The following SNX29 variants were observed in gnomAD, a reference collection of about 807,000 sequenced individuals.
SNX29 encodes the protein sorting nexin 29.
A neutral mutation model predicts 102.1 loss-of-function variants in SNX29; 78 were observed. That is an observed-to-expected ratio of 0.76 (90% confidence interval 0.64 to 0.92). The LOEUF (loss-of-function observed/expected upper bound fraction) is 0.92. Ranked by LOEUF, SNX29 falls within the 40% of genes least tolerant of loss-of-function variation. The pLI, the probability that SNX29 is intolerant of heterozygous loss-of-function variation, is 0.00. For synonymous variants in SNX29, 580 were observed against 414.5 expected (o/e 1.40, Z -4.85); for missense variants, 1,280 against 1,061.7 (o/e 1.21, Z -2.86).
chr16:12,271,418 A>T (rs2079088957), intron 14 of SNX29, among the ~76,000 whole-genome samples: 1 of 152,214 alleles, frequency 6.6e-6, no homozygotes, highest in Non-Finnish European at 1.5e-5. Context: ...CTCACACAGA[A>T]GCTGCAGTCT....
At chr16:12,257,533 G>C (rs1169356713) in intron 14 of SNX29, among the ~76,000 whole-genome samples, 1 of 152,028 alleles carries the variant, frequency 6.6e-6, no homozygotes, top group African/African-American at 2.4e-5. Context: ...AAGAGAGACA[G>C]GGTCTTGCTC....
intron 14 of SNX29, among the ~76,000 whole-genome samples, chr16:12,226,174 G>A (rs1307947263): frequency 6.6e-6 from 1 of 152,178 alleles, no homozygotes; most frequent in Non-Finnish European, 1.5e-5. Flanking sequence ...TGCTCTATGT[G>A]TTTAATGTTA....
intron 15 of SNX29, among the ~76,000 whole-genome samples, chr16:12,317,346 CTG>C (rs1229114850): frequency 2.0e-5 from 3 of 152,222 alleles, no homozygotes; most frequent in African/African-American, 7.2e-5. Context: ...CCCCTGGCTT[CTG>C]TGTGTCCTTC....
In SNX29 at chr16:12,468,703, C is replaced by T. The variant is rs533876382; in HGVS notation, c.2038-9016C>T. On this transcript the variant is annotated intron_variant, in intron 18 of 20. Transcript: ENST00000566228. ...TCCATGATAGCCCCAGGGCCCAGCC[C>T]GGAGCTTGGTATACAACAGGCCACC... 3.9e-5 allele frequency among the ~76,000 whole-genome samples: 6 copies of T among 152,296 alleles called. No homozygotes were observed. The East Asian group carries it at 5.8e-4, about 15-fold the overall frequency.
chr16:12,560,527 A>T (rs1387705642), intron 20 of SNX29, among the ~76,000 whole-genome samples: 1 of 152,028 alleles, frequency 6.6e-6, no homozygotes, highest in Non-Finnish European at 1.5e-5. Flanking sequence ...ACCTTCCAAG[A>T]CCATTTCTAT....
intron 20 of SNX29, among the ~76,000 whole-genome samples, chr16:12,562,694 G>A (rs1250826094): frequency 1.3e-5 from 2 of 152,150 alleles, no homozygotes; most frequent in Non-Finnish European, 2.9e-5. Context: ...GCCTTCTTTG[G>A]AGTCGAGATT....
At chr16:12,235,600 T>G (rs764888252) in intron 14 of SNX29, among the ~76,000 whole-genome samples, 5 of 152,186 alleles carry the variant, frequency 3.3e-5, no homozygotes, top group Non-Finnish European at 5.9e-5. Context: ...ATTGGCATAT[T>G]TTTCAGGGTT....
At chr16:12,182,167 A>G (rs748915582) in intron 13 of SNX29, among the ~76,000 whole-genome samples, 10 of 146,166 alleles carry the variant, frequency 6.8e-5, no homozygotes, top group Non-Finnish European at 1.3e-4. Context: ...GATAACAGGC[A>G]TGAGCCACTG....
intron 15 of SNX29, among the ~76,000 whole-genome samples, chr16:12,293,926 G>A (rs185670876): frequency 6.6e-6 from 1 of 152,182 alleles, no homozygotes; most frequent in Non-Finnish European, 1.5e-5. Flanking sequence ...TAGCTACTCT[G>A]TGTGGCGGTA....
chr16:12,243,993 T>G (rs1596612653), intron 14 of SNX29, among the ~76,000 whole-genome samples: 1 of 152,216 alleles, frequency 6.6e-6, no homozygotes, highest in East Asian at 1.9e-4. Flanking sequence ...GGGGTGGTGG[T>G]TTCAAGATAA....
intron 15 of SNX29, among the ~76,000 whole-genome samples, chr16:12,304,811 A>G (rs1054594477): frequency 6.6e-6 from 1 of 152,246 alleles, no homozygotes; most frequent in Non-Finnish European, 1.5e-5. Context: ...GATATGAACT[A>G]TAAACTCTCA....
At chr16:12,162,009 C>T (rs1210857679) in intron 13 of SNX29, among the ~76,000 whole-genome samples, 2 of 152,200 alleles carry the variant, frequency 1.3e-5, no homozygotes, top group Admixed American at 6.5e-5. Flanking sequence ...TCCCTCACCA[C>T]CCCTGTTGGT....
intron 13 of SNX29, among the ~76,000 whole-genome samples, chr16:12,197,248 G>C (rs1185561488): frequency 6.6e-6 from 1 of 152,144 alleles, no homozygotes; most frequent in East Asian, 1.9e-4. Context: ...GCTGGGCAAT[G>C]AGGCTCTGGC....
chr16:12,020,007 C>T (rs1343243083), intron 3 of SNX29, among the ~76,000 whole-genome samples: 2 of 151,978 alleles, frequency 1.3e-5, no homozygotes, highest in Non-Finnish European at 2.9e-5. Flanking sequence ...TATTTTTCAT[C>T]TTATGTTATA....
At chr16:12,461,978 A>ATATATACATATATATATATAT (rs869301507) in intron 18 of SNX29, among the ~76,000 whole-genome samples, 1 of 27,352 alleles carries the variant, frequency 3.7e-5, no homozygotes, top group African/African-American at 1.4e-4. Flanking sequence ...AAAAAAAAAA[A>ATATATACATATATATATATAT]ATATATATAT....
At chr16:12,531,358 A>G (rs1295111571) in intron 20 of SNX29, among the ~76,000 whole-genome samples, 1 of 152,228 alleles carries the variant, frequency 6.6e-6, no homozygotes, top group African/African-American at 2.4e-5. Context: ...AGAGCACGCC[A>G]GGACTGGGTA....
intron 14 of SNX29, among the ~76,000 whole-genome samples, chr16:12,230,845 T>C (rs554496884): frequency 3.3e-5 from 5 of 151,842 alleles, no homozygotes; most frequent in South Asian, 4.2e-4. Context: ...TGTATGTATG[T>C]ATATATGTAT....
chr16:12,566,293 A>T (rs2079003839), intron 20 of SNX29, among the ~76,000 whole-genome samples: 1 of 152,188 alleles, frequency 6.6e-6, no homozygotes, highest in Non-Finnish European at 1.5e-5. Context: ...CTGGACAGAG[A>T]CACGTGCCTC....
rs1009205313 is a variant in SNX29 at position 12,569,293 on chromosome 16, C to A, written c.*664C>A. 2 of 229,314 alleles carry A rather than the reference C, an allele frequency of 8.7e-6. No homozygotes were observed. Among genetic ancestry groups the A allele is most frequent in the Non-Finnish European group, 1.7e-5 (2 of 115,746 alleles). The allele number at this position is 229,314 out of a possible 1,614,324, so 14.2% of individuals were successfully genotyped here. A position where few individuals can be genotyped will look rare whatever the true frequency, so the allele number is the denominator to read the frequency against. ...TTCAGAGAACTTCCCCTACCTCCCCCATGGCTGGCTTCAGGAAGGACCAGT... is the reference window on the plus strand; with the variant it reads ...TTCAGAGAACTTCCCCTACCTCCCCAATGGCTGGCTTCAGGAAGGACCAGT... On this transcript the variant is annotated 3_prime_UTR_variant, in exon 21 of 21. Transcript: ENST00000566228.
Sources: allele counts gnomAD v4.1 joint callset (sites outside exome capture counted in the v4.1 genomes callset), GRCh38; gene constraint gnomAD v4.1.1; transcripts MANE v1.5; gene names NCBI Gene and HGNC (gene_info 2026-07-23, HGNC 2026-07-21).